PTCHD4: variants seen among roughly 807,000 people sequenced by gnomAD.
PTCHD4 encodes the protein patched domain-containing protein 4.
Under a neutral mutation model 58.1 loss-of-function variants are expected in PTCHD4, and 33 were observed. The observed-to-expected ratio is 0.57, with a 90% CI of 0.43 to 0.76. The LOEUF is 0.76. Ranked by LOEUF, PTCHD4 falls within the 30% of genes least tolerant of loss-of-function variation. The pLI is 0.00. For missense variants in PTCHD4, 1,058 were observed against 1,027.1 expected (o/e 1.03, Z -0.41); for synonymous variants, 478 against 409.6 (o/e 1.17, Z -2.02).
intron 1 of PTCHD4, among the ~76,000 whole-genome samples, chr6:48,070,260 G>A (rs533300186): frequency 6.6e-6 from 1 of 152,170 alleles, no homozygotes; most frequent in South Asian, 2.1e-4. Context: ...TCATAGAAAA[G>A]ATTGAGTTTC....
At chr6:47,892,402 C>T (rs908937412) in intron 4 of PTCHD4, among the ~76,000 whole-genome samples, 13 of 152,184 alleles carry the variant, frequency 8.5e-5, no homozygotes, top group African/African-American at 2.7e-4. Flanking sequence ...ATTTGAAGGA[C>T]ATTTCCTGAG....
At chr6:48,008,574 A>G (rs1582011567) in intron 4 of PTCHD4, 60 bp downstream of exon 4, 1 of 1,527,608 alleles carries the variant, frequency 6.5e-7, no homozygotes, top group East Asian at 2.3e-5. Context: ...AGAATTCAAG[A>G]AATATACTAC....
intron 4 of PTCHD4, chr6:47,899,655 T>G: frequency 1.5e-6 from 1 of 653,762 alleles, no homozygotes; most frequent in Non-Finnish European, 1.9e-6. Context: ...AGCAATTCAT[T>G]GATTAAAAGT....
chr6:48,001,119 A>G (rs973467858), intron 4 of PTCHD4, among the ~76,000 whole-genome samples: 5 of 152,220 alleles, frequency 3.3e-5, no homozygotes, highest in African/African-American at 1.2e-4. Context: ...TACAAAAAAA[A>G]TGGAAGAACA....
intron 3 of PTCHD4, among the ~76,000 whole-genome samples, chr6:48,045,437 G>A (rs1764000120): frequency 6.6e-6 from 1 of 151,808 alleles, no homozygotes; most frequent in East Asian, 1.9e-4. Context: ...ACAAAAGATG[G>A]CTCATTTTCA....
intron 1 of PTCHD4, among the ~76,000 whole-genome samples, chr6:48,077,282 A>T (rs970025748): frequency 6.6e-6 from 1 of 152,246 alleles, no homozygotes. Flanking sequence ...TCTGCTCCTT[A>T]TAAGAGAGTC....
intron 4 of PTCHD4, among the ~76,000 whole-genome samples, chr6:47,927,429 G>T (rs1380237420): frequency 6.6e-6 from 1 of 152,112 alleles, no homozygotes; most frequent in African/African-American, 2.4e-5. Flanking sequence ...TGCTCTCAGG[G>T]ATGCAACTAA....
At chr6:47,983,677 T>G (rs901046372) in intron 4 of PTCHD4, among the ~76,000 whole-genome samples, 10 of 152,108 alleles carry the variant, frequency 6.6e-5, no homozygotes, top group African/African-American at 2.4e-4. Flanking sequence ...ATAAAGAAGA[T>G]AGTAAATTAC....
Position 48,025,420 on chromosome 6 carries a change from AT to A in PTCHD4, c.418-16307del, listed in dbSNP as rs1374763523. Among the ~76,000 whole-genome samples the A allele has an allele frequency of 4.6e-5, 7 of 152,296 alleles. No individual in the cohort carries two copies. The South Asian group carries it at 1.2e-3, about 27-fold the overall frequency. On this transcript the variant is annotated intron_variant, in intron 3 of 4. Transcript: ENST00000339488. ...GCACAAAAATATAAAAATTTGGTCCATTGTTCTTAAAAACATTGCCTGTCAT... is the reference window on the plus strand; with the variant it reads ...GCACAAAAATATAAAAATTTGGTCCATGTTCTTAAAAACATTGCCTGTCAT...
At chr6:48,037,720 G>A (rs181954766) in intron 3 of PTCHD4, among the ~76,000 whole-genome samples, 4 of 152,170 alleles carry the variant, frequency 2.6e-5, no homozygotes, top group Non-Finnish European at 4.4e-5. Context: ...TAATTCCATC[G>A]AGGGAAGAAA....
intron 1 of PTCHD4, among the ~76,000 whole-genome samples, chr6:48,096,610 T>TAAAAA (rs386406978): frequency 1.5e-5 from 2 of 134,696 alleles, no homozygotes; most frequent in East Asian, 2.2e-4. Context: ...AGACTCTGCC[T>TAAAAA]AAAAAAAAAA....
chr6:47,989,936 C>T (rs958805974), intron 4 of PTCHD4, among the ~76,000 whole-genome samples: 4 of 152,178 alleles, frequency 2.6e-5, no homozygotes, highest in Admixed American at 6.5e-5. Context: ...AAGCCACAGA[C>T]ATTCAATGAC....
intron 1 of PTCHD4, among the ~76,000 whole-genome samples, chr6:48,093,417 A>G (rs1765403945): frequency 1.3e-5 from 2 of 152,126 alleles, no homozygotes; most frequent in Non-Finnish European, 2.9e-5. Context: ...TTATTTCCTA[A>G]CTTTGGGGGA....
At chr6:48,108,614 A>C (rs1352334285) in intron 1 of PTCHD4, among the ~76,000 whole-genome samples, 2 of 151,800 alleles carry the variant, frequency 1.3e-5, no homozygotes, top group Non-Finnish European at 2.9e-5. Flanking sequence ...ATAATAAAAA[A>C]ATAAATAAAT....
chr6:47,921,985 A>C (rs1380446594), intron 4 of PTCHD4, among the ~76,000 whole-genome samples: 1 of 147,678 alleles, frequency 6.8e-6, no homozygotes, highest in South Asian at 2.1e-4. Context: ...AGAAAAGAAA[A>C]GAAACTAGCC....
At chr6:48,038,555 G>A (rs12207381) in intron 3 of PTCHD4, among the ~76,000 whole-genome samples, 204 of 151,206 alleles carry the variant, frequency 1.3e-3, no homozygotes, top group African/African-American at 4.6e-3. Flanking sequence ...CATAAGAATC[G>A]CTTGAACCCG....
intron 4 of PTCHD4, among the ~76,000 whole-genome samples, chr6:47,996,847 T>A (rs1768507772): frequency 1.3e-5 from 2 of 152,230 alleles, no homozygotes; most frequent in South Asian, 4.1e-4. Context: ...AGCCATTGAT[T>A]TAAATTTTTT....
rs529562250 is a variant in PTCHD4, at chr6:47,978,581, G to A, written c.898+30053C>T. ...AGTTATACGTTTCTAATTATGATAA[G>A]AATTGCTATCAGTTATTTCATTCTT... On this transcript the variant is annotated intron_variant, in intron 4 of 4. Transcript: ENST00000339488. Among the ~76,000 whole-genome samples, 5 of 152,240 alleles carry A rather than the reference G, an allele frequency of 3.3e-5. No homozygotes were observed. In the East Asian group the frequency reaches 9.6e-4, roughly 29 times the overall value.
At chr6:48,004,605 G>A (rs1762356139) in intron 4 of PTCHD4, among the ~76,000 whole-genome samples, 1 of 152,122 alleles carries the variant, frequency 6.6e-6, no homozygotes, top group Admixed American at 6.6e-5. Context: ...CACTAAATGA[G>A]GTCCTTTCAA....
Sources: allele counts gnomAD v4.1 joint callset (sites outside exome capture counted in the v4.1 genomes callset), GRCh38; gene constraint gnomAD v4.1.1; transcripts MANE v1.5; gene names NCBI Gene and HGNC (gene_info 2026-07-23, HGNC 2026-07-21).